The following FXYD7 variants were observed in gnomAD, a reference collection of about 807,000 sequenced individuals.
The protein encoded by FXYD7 is FXYD domain containing ion transport regulator 7, also known as FXYD domain-containing ion transport regulator 7.
In FXYD7, 7 loss-of-function variants were observed where a neutral mutation model predicts 15.3. The observed-to-expected ratio is 0.46, with a 90% confidence interval of 0.26 to 0.86. The LOEUF is 0.86. FXYD7 is among the 40% of genes least tolerant of loss of function. The pLI is 0.16. For synonymous variants in FXYD7, 39 were observed against 39.3 expected, an observed-to-expected ratio of 0.99 and a Z score of 0.03; for missense variants, 78 against 100.6, an observed-to-expected ratio of 0.78 and a Z score of 0.96.
At chr19:35,153,845 G>C (rs2065326487) in intron 5 of FXYD7, 49 bp from the exon 6 acceptor site, 2 of 1,594,878 alleles carry the variant, frequency 1.3e-6, no homozygotes, top group South Asian at 1.1e-5. Context: ...TGTGGGGAGG[G>C]AGGCAGTTTC....
intron 1 of FXYD7, among the ~76,000 whole-genome samples, chr19:35,145,057 G>T (rs1259393755): frequency 5.3e-5 from 8 of 152,072 alleles, no homozygotes; most frequent in Admixed American, 1.3e-4. Flanking sequence ...CCCTGAAATG[G>T]ACCCTTAGCT....
intron 5 of FXYD7, among the ~76,000 whole-genome samples, 159 bp downstream of exon 5, chr19:35,151,832 T>G (rs1481515864): frequency 6.6e-6 from 1 of 151,912 alleles, no homozygotes; most frequent in African/African-American, 2.4e-5. Flanking sequence ...CTGAGGAAAT[T>G]CCGCAGATGA....
intron 1 of FXYD7, among the ~76,000 whole-genome samples, chr19:35,144,941 G>A (rs1369066861): frequency 1.3e-5 from 2 of 152,126 alleles, no homozygotes; most frequent in Non-Finnish European, 2.9e-5. Flanking sequence ...TGGGGAGCGA[G>A]GGGGGAAGAG....
At chr19:35,152,251 A>G (rs896843203) in intron 5 of FXYD7, among the ~76,000 whole-genome samples, 3 of 150,716 alleles carry the variant, frequency 2.0e-5, no homozygotes, top group African/African-American at 7.4e-5. Flanking sequence ...CATGTCCCAG[A>G]GTCCACAGAG....
rs1429968732 is a variant in FXYD7 at position 35,154,018 on chromosome 19, C to G, written c.*102C>G. The stretch of plus-strand genomic sequence containing the variant: ...CCAGCCGCGCGCCGGGAGCGCTCCC[C>G]GGAATGAGCCGCCCCACCCACCCCA... On this transcript the variant is annotated 3_prime_UTR_variant, in exon 6 of 6. Coordinates refer to ENST00000270310, the MANE Select transcript of FXYD7 (RefSeq NM_022006.2). 1.9e-6 allele frequency: 2 copies of G among 1,075,100 alleles called. No homozygotes were observed. Among genetic ancestry groups the G allele is most frequent in the African/African-American group, 1.6e-5 (1 of 64,312 alleles). The allele number at this position is 1,075,100 out of a possible 1,614,324, so 66.6% of individuals were successfully genotyped here.
At chr19:35,153,824 A>T in intron 5 of FXYD7, 70 bp from the exon 6 acceptor site, 1 of 1,448,748 alleles carries the variant, frequency 6.9e-7, no homozygotes, top group South Asian at 1.1e-5. Context: ...GGGAATGGAG[A>T]GCCAACGAGC....
intron 1 of FXYD7, among the ~76,000 whole-genome samples, chr19:35,145,430 C>T (rs551947946): frequency 4.6e-5 from 7 of 152,236 alleles, no homozygotes; most frequent in Non-Finnish European, 1.0e-4. Context: ...GACAGGGGCT[C>T]ACCCAGTGGG....
At chr19:35,150,329 T>G (rs983825751) in intron 2 of FXYD7, among the ~76,000 whole-genome samples, 1 of 151,910 alleles carries the variant, frequency 6.6e-6, no homozygotes, top group East Asian at 1.9e-4. Flanking sequence ...GCCCAAGAGG[T>G]AGAGGCTGCA....
rs776995280 is a variant in FXYD7, at chr19:35,148,702, G to A, written c.40G>A (p.Glu14Lys). The A allele has an allele frequency of 6.3e-7, 1 of 1,580,736 alleles. No individual in the cohort carries two copies. Among genetic ancestry groups the A allele is most frequent in the South Asian group, 1.1e-5 (1 of 88,440 alleles). The change falls in exon 2 of 6, where the codon GAA becomes AAA. Residue 14 changes from glutamate to lysine, a missense_variant. Coordinates refer to ENST00000270310, the MANE Select transcript of FXYD7 (RefSeq NM_022006.2). ...CTGCTTCTTTCCCTCAGCTCCTGAG[G>A]AACCTGACCCATTTTACTATGGTGA... ...PTQTPTKAPE[E>K]PDPFYYDYNT...
chr19:35,150,718 G>A (rs1179343350), intron 2 of FXYD7, among the ~76,000 whole-genome samples: 1 of 152,120 alleles, frequency 6.6e-6, no homozygotes, highest in East Asian at 1.9e-4. Flanking sequence ...GGAGAGTGAG[G>A]TGGGGTGAGG....
In FXYD7 at chr19:35,154,097, C is replaced by T. The variant is rs375596986; in HGVS notation, c.*181C>T. ...CTCTCCAGGCCTTGGCAATGACGAT[C>T]CCCCAAAGAGCCCGTCTGCACCCCA... On this transcript the variant is annotated 3_prime_UTR_variant, in exon 6 of 6. Transcript: ENST00000270310. 34 of 583,834 alleles carry T rather than the reference C, an allele frequency of 5.8e-5. No homozygotes were observed. Among genetic ancestry groups the T allele is most frequent in the East Asian group, 4.4e-4 (14 of 31,814 alleles). 36.2% of individuals were successfully genotyped at this position (583,834 alleles called of 1,614,324 possible).
intron 1 of FXYD7, among the ~76,000 whole-genome samples, chr19:35,148,060 AAAG>A (rs2065296021): frequency 6.8e-6 from 1 of 146,862 alleles, no homozygotes; most frequent in Non-Finnish European, 1.5e-5. Flanking sequence ...AGAAAGAAAG[AAAG>A]AAAGAAAGAA....
chr19:35,146,923 A>G (rs1200255220), intron 1 of FXYD7, among the ~76,000 whole-genome samples: 1 of 152,224 alleles, frequency 6.6e-6, no homozygotes, highest in Non-Finnish European at 1.5e-5. Flanking sequence ...AGTTTCGGCT[A>G]CAGCATGCTG....
chr19:35,149,478 A>C, intron 2 of FXYD7: 1 of 174,162 alleles, frequency 5.7e-6, no homozygotes, highest in Non-Finnish European at 1.3e-5. Context: ...GCCACACCAT[A>C]CTCAGCTGGT....
At chr19:35,145,860 C>G (rs895287520) in intron 1 of FXYD7, among the ~76,000 whole-genome samples, 2 of 152,160 alleles carry the variant, frequency 1.3e-5, no homozygotes, top group African/African-American at 4.8e-5. Context: ...TCACTGCAGC[C>G]TCAACATCCT....
chr19:35,148,089 A>C (rs376596709), intron 1 of FXYD7, among the ~76,000 whole-genome samples: 1 of 120,912 alleles, frequency 8.3e-6, no homozygotes, highest in Non-Finnish European at 1.8e-5. Context: ...GAAAGAAAGA[A>C]AGAAAGAGAG....
intron 1 of FXYD7, among the ~76,000 whole-genome samples, chr19:35,145,188 C>T (rs1001330308): frequency 5.3e-5 from 8 of 152,156 alleles, no homozygotes; most frequent in South Asian, 2.1e-4. Flanking sequence ...CCTGGGGTGG[C>T]GGGACCTATC....
At chr19:35,144,397 C>G (rs988121053) in intron 1 of FXYD7, among the ~76,000 whole-genome samples, 13 of 152,188 alleles carry the variant, frequency 8.5e-5, no homozygotes, top group Non-Finnish European at 7.3e-5. Flanking sequence ...CCACTTCTAC[C>G]GTCGCCCCCT....
rs1459227793 is a variant in FXYD7, at chr19:35,143,410, G to A, written c.31+46G>A. The A allele has an allele frequency of 3.7e-6, 5 of 1,359,648 alleles. No homozygotes were observed. Among genetic ancestry groups the A allele is most frequent in the Non-Finnish European group, 4.9e-6 (5 of 1,015,586 alleles). 84.2% of individuals were successfully genotyped at this position (1,359,648 alleles called of 1,614,324 possible). A position where few individuals can be genotyped will look rare whatever the true frequency, so the allele number is the denominator to read the frequency against. On this transcript the variant is annotated intron_variant, in intron 1 of 5. Transcript: ENST00000270310. This position sits in a 1 kb window ranked among gnomAD's most constrained non-coding sequence, Gnocchi z 4.3. ...GGGTTGCAGGGGGGCTCCGGGATCT[G>A]AGAGCCTAGGAGAGAGGGTGTCGGG... is the stretch of plus-strand genomic sequence containing the variant.
Sources: allele counts gnomAD v4.1 joint callset (sites outside exome capture counted in the v4.1 genomes callset), GRCh38; gene constraint gnomAD v4.1.1; non-coding constraint Gnocchi (gnomAD v3.1); transcripts MANE v1.5; gene names NCBI Gene and HGNC (gene_info 2026-07-23, HGNC 2026-07-21).